Variants in SDHA observed in about 807,000 individuals in gnomAD.
The protein encoded by SDHA is succinate dehydrogenase [ubiquinone] flavoprotein subunit, mitochondrial.
Under a neutral mutation model 78.4 loss-of-function variants are expected in SDHA, and 48 were observed. The ratio of observed to expected loss-of-function variants is 0.61; its 90% CI spans 0.49 to 0.78. SDHA has a LOEUF of 0.78. Among genes scored for constraint, SDHA ranks in the 30% least tolerant of loss-of-function variants. The pLI is 0.00. For synonymous variants in SDHA, 326 were observed against 353.9 expected (o/e 0.92, Z 0.88); for missense variants, 680 against 892.7 (o/e 0.76, Z 3.04).
intron 10 of SDHA, among the ~76,000 whole-genome samples, chr5:239,122 T>TCAAGAGACCCACAGCCTGGGCCC (rs1735971155): frequency 9.5e-6 from 1 of 105,306 alleles, no homozygotes; most frequent in African/African-American, 6.3e-5. Flanking sequence ...AGCCTGGTCC[T>TCAAGAGACCCACAGCCTGGGCCC]GTGGAGAGGT....
intron 11 of SDHA, among the ~76,000 whole-genome samples, chr5:244,295 C>T (rs553070625): frequency 3.8e-4 from 58 of 151,572 alleles, no homozygotes; most frequent in Non-Finnish European, 5.2e-4. Context: ...CAAGCAGGGA[C>T]GATAGGATTA....
At chr5:223,248 G>A (rs1409876909) in intron 1 of SDHA, among the ~76,000 whole-genome samples, 2 of 152,184 alleles carry the variant, frequency 1.3e-5, no homozygotes, top group Admixed American at 1.3e-4. Flanking sequence ...GCTTCATCCT[G>A]GTTTTCTAGA....
At position 225,471 on chromosome 5, in the gene SDHA, A is replaced by G. The variant is rs1579384131; in HGVS notation, c.365A>G (p.His122Arg). Reference protein sequence around the residue: ...GNMEEDNWRWHFYDTVKGSDW... With the variant: ...GNMEEDNWRWRFYDTVKGSDW... Reference sequence around the variant, plus strand: ...ATGGAGGAGGACAACTGGAGGTGGCATTTCTACGACACCGTGAAGGGCTCC... The same window carrying G: ...ATGGAGGAGGACAACTGGAGGTGGCGTTTCTACGACACCGTGAAGGGCTCC... The change falls in exon 4 of 15, where the codon CAT (histidine) becomes CGT (arginine). Residue 122 changes from histidine to arginine, a missense_variant. Coordinates refer to ENST00000264932, the MANE Select transcript of SDHA (RefSeq NM_004168.4). 2 of 1,613,578 alleles carry G rather than the reference A, an allele frequency of 1.2e-6. No homozygotes were observed. The highest frequency in any genetic ancestry group is 8.5e-7 in the Non-Finnish European group (1 of 1,179,848).
rs1339850284 is a variant in SDHA, at chr5:256,883, C to T, written c.*463C>T. Among the ~76,000 whole-genome samples the T allele has an allele frequency of 6.7e-6, 1 of 148,716 alleles. No individual in the cohort carries two copies. The highest frequency in any genetic ancestry group is 1.5e-5 in the Non-Finnish European group (1 of 67,676). ...GTAGTACAATCACAGCTCACTGCAG[C>T]CTCAAACTCCTGGGCAGCTCAGGTG... On this transcript the variant is annotated 3_prime_UTR_variant, in exon 15 of 15. Coordinates refer to ENST00000264932, the MANE Select transcript of SDHA (RefSeq NM_004168.4).
At chr5:264,573 A>G in the SDHA span, among the ~76,000 whole-genome samples, 2 of 152,240 alleles carry the variant, frequency 1.3e-5, no homozygotes, top group South Asian at 2.1e-4. Context: ...GAAAGCCCCT[A>G]GGCAGCATCC....
chr5:238,572 G>A (rs1264779247), intron 10 of SDHA, among the ~76,000 whole-genome samples: 1 of 152,134 alleles, frequency 6.6e-6, no homozygotes, highest in African/African-American at 2.4e-5. Flanking sequence ...GTCTCCCTGT[G>A]TTGCCCAGGA....
At chr5:232,085 C>T (rs904140279) in intron 7 of SDHA, among the ~76,000 whole-genome samples, 8 of 152,192 alleles carry the variant, frequency 5.3e-5, no homozygotes, top group African/African-American at 1.9e-4. Flanking sequence ...GCTTTTCTGA[C>T]CTGTGGACGA....
chr5:247,452 C>G (rs1471600566), intron 11 of SDHA, among the ~76,000 whole-genome samples: 1 of 152,236 alleles, frequency 6.6e-6, no homozygotes, highest in Non-Finnish European at 1.5e-5. Flanking sequence ...TAATGCTAGA[C>G]ACTTTCACAA....
intron 8 of SDHA, 35 bp downstream of exon 8, chr5:233,680 G>A (rs1462154803): frequency 6.2e-7 from 1 of 1,610,904 alleles, no homozygotes; most frequent in East Asian, 2.2e-5. Context: ...TGTCTGAGCG[G>A]GCACACGGGC....
chr5:220,881 C>T (rs1249826300), intron 1 of SDHA, among the ~76,000 whole-genome samples: 2 of 150,466 alleles, frequency 1.3e-5, no homozygotes, highest in East Asian at 1.9e-4. Flanking sequence ...GGCGCAATCT[C>T]GGCTCACTGC....
chr5:254,833 A>G (rs1579446074), intron 14 of SDHA, among the ~76,000 whole-genome samples: 2 of 152,156 alleles, frequency 1.3e-5, no homozygotes, highest in East Asian at 1.9e-4. Context: ...GCGAGAAAGC[A>G]TCTGTGGGGT....
intron 9 of SDHA, chr5:235,781 T>C: frequency 3.3e-6 from 1 of 299,846 alleles, no homozygotes; most frequent in South Asian, 3.0e-5. Context: ...AACATCAGTC[T>C]CCCCTGCTGA....
intron 1 of SDHA, among the ~76,000 whole-genome samples, chr5:220,814 A>ATTTTTTT (rs1305754219): frequency 7.5e-5 from 9 of 120,276 alleles, no homozygotes; most frequent in African/African-American, 4.2e-4. Flanking sequence ...GTGTGAACTG[A>ATTTTTTT]ATTTTTTTTT....
chr5:226,389 T>A (rs1015512059), intron 5 of SDHA, among the ~76,000 whole-genome samples: 2 of 152,254 alleles, frequency 1.3e-5, no homozygotes, highest in Admixed American at 1.3e-4. Flanking sequence ...CCCAGCACTT[T>A]AGGAGGCCAA....
At chr5:222,146 T>A (rs1189765231) in intron 1 of SDHA, among the ~76,000 whole-genome samples, 1 of 152,162 alleles carries the variant, frequency 6.6e-6, no homozygotes, top group Non-Finnish European at 1.5e-5. Flanking sequence ...TATTTGTTCT[T>A]TCTCATTCAT....
chr5:260,974 T>G (rs1383322951), downstream of SDHA, among the ~76,000 whole-genome samples: 5 of 7,980 alleles, frequency 6.3e-4, no homozygotes, highest in South Asian at 0.017. Flanking sequence ...CCGCCTCCCG[T>G]CCGAGCATTA....
At chr5:260,682 C>A (rs1737448715), downstream of SDHA, among the ~76,000 whole-genome samples, 1 of 15,200 alleles carries the variant, frequency 6.6e-5, no homozygotes, top group Non-Finnish European at 1.3e-4. Context: ...AGCTCCGCCT[C>A]CCGCCAGAGC....
chr5:260,974 T>A (rs1383322951), downstream of SDHA, among the ~76,000 whole-genome samples: 1 of 7,980 alleles, frequency 1.3e-4, no homozygotes. Context: ...CCGCCTCCCG[T>A]CCGAGCATTA....
At chr5:234,157 C>T (rs1026081066) in intron 8 of SDHA, 24 of 178,552 alleles carry the variant, frequency 1.3e-4, no homozygotes, top group African/African-American at 4.5e-4. Context: ...CAGTGGCTCA[C>T]GCCTGTAATC....
Sources: gnomAD v4.1 joint callset for allele counts (sites outside exome capture counted in the v4.1 genomes callset) on GRCh38, gnomAD v4.1.1 for gene constraint, MANE v1.5 for transcripts, NCBI Gene and HGNC (gene_info 2026-07-23, HGNC 2026-07-21) for gene names.